RICTOR: variants seen among roughly 807,000 people sequenced by gnomAD.
The protein encoded by RICTOR is RPTOR independent companion of MTOR complex 2, also known as rapamycin-insensitive companion of mTOR.
Under a neutral mutation model 214.9 loss-of-function variants are expected in RICTOR, and 49 were observed. The ratio of observed to expected loss-of-function variants is 0.23; its 90% CI spans 0.18 to 0.29. The LOEUF (loss-of-function observed/expected upper bound fraction) is 0.29, where lower values mean the gene tolerates loss of function less well. Among genes scored for constraint, RICTOR ranks in the 10% least tolerant of loss-of-function variants. RICTOR has a pLI of 1.00. For missense variants in RICTOR, 1,625 were observed against 2,047.0 expected, an observed-to-expected ratio of 0.79 and a Z score of 3.98; for synonymous variants, 717 against 711.3, an observed-to-expected ratio of 1.01 and a Z score of -0.13.
chr5:38,970,194 T>G (rs548111079), intron 11 of RICTOR: 9 of 152,336 alleles, frequency 5.9e-5, no homozygotes, highest in Admixed American at 5.9e-4. Context: ...GATGAAATCA[T>G]CTAACAGTGA....
At chr5:39,058,204 A>G (rs1052438002) in intron 2 of RICTOR, among the ~76,000 whole-genome samples, 1 of 152,130 alleles carries the variant, frequency 6.6e-6, no homozygotes, top group Non-Finnish European at 1.5e-5. Context: ...CAACAAAAAA[A>G]TCTAAATATT....
intron 7 of RICTOR, among the ~76,000 whole-genome samples, chr5:38,982,775 CACATATATATAT>C (rs201752261): frequency 0.016 from 1,830 of 114,560 alleles, 19 homozygotes; most frequent in South Asian, 0.04. Flanking sequence ...CATACATACA[CACATATATATAT>C]ACATATATAT....
At chr5:38,949,450 A>T (rs776650613) in intron 31 of RICTOR, 90 of 1,557,100 alleles carry the variant, frequency 5.8e-5, no homozygotes, top group East Asian at 1.4e-4. Context: ...AGAAATAAAT[A>T]AAAAAAAGCT....
chr5:38,996,780 A>T (rs1398959103), intron 6 of RICTOR, 39 bp downstream of exon 6: 6 of 1,277,890 alleles, frequency 4.7e-6, no homozygotes, highest in South Asian at 4.0e-5. Context: ...TAACATAAAA[A>T]CCATAAATTT....
chr5:39,060,474 C>T lies in RICTOR; in HGVS notation c.97+13637G>A, dbSNP rs75664693. ...ATTGTAAAGTGACAGCTGAAAGAAA[C>T]GTAGAAGCATACAGGAATCAAAAGA... On this transcript the variant is annotated intron_variant, in intron 2 of 37. Transcript: ENST00000357387. 5.7e-3 allele frequency among the ~76,000 whole-genome samples: 867 copies of T among 151,998 alleles called. 8 individuals carry two copies. The highest frequency in any genetic ancestry group is 0.02 in the African/African-American group (828 of 41,496).
chr5:38,958,579 CA>C (rs1749517562), intron 23 of RICTOR, 60 bp from the exon 24 acceptor site: 1 of 1,525,324 alleles, frequency 6.6e-7, no homozygotes, highest in South Asian at 1.2e-5. Context: ...TTTTTAGTTC[CA>C]AAATGCCTAT....
At chr5:39,030,450 T>A (rs1426953215) in intron 2 of RICTOR, among the ~76,000 whole-genome samples, 4 of 152,116 alleles carry the variant, frequency 2.6e-5, no homozygotes, top group African/African-American at 7.2e-5. Context: ...TTATTCACTA[T>A]CCCATCACTT....
At chr5:39,039,284 T>C (rs1203907694) in intron 2 of RICTOR, among the ~76,000 whole-genome samples, 5 of 152,042 alleles carry the variant, frequency 3.3e-5, no homozygotes, top group African/African-American at 1.2e-4. Flanking sequence ...TGAAACTGGA[T>C]CCCTTCCTTA....
At chr5:38,990,888 C>T in intron 7 of RICTOR, 61 bp downstream of exon 7, 2 of 968,982 alleles carry the variant, frequency 2.1e-6, no homozygotes, top group African/African-American at 1.7e-5. Context: ...ATATATATAT[C>T]TCAAATGTTA....
intron 2 of RICTOR, among the ~76,000 whole-genome samples, chr5:39,057,825 A>ACT (rs1364812135): frequency 1.1e-4 from 17 of 152,120 alleles, no homozygotes; most frequent in Non-Finnish European, 1.9e-4. Flanking sequence ...ACTTCCAAAG[A>ACT]GTGTATGTAT....
chr5:39,031,749 G>A (rs886099548), intron 2 of RICTOR, among the ~76,000 whole-genome samples: 3 of 152,202 alleles, frequency 2.0e-5, no homozygotes, highest in South Asian at 2.1e-4. Flanking sequence ...ATACATATGC[G>A]ACTTCAACAG....
rs1269867428 is a variant in RICTOR, at chr5:39,002,425, CAA to C, written c.392+108_392+109del. The C allele has an allele frequency of 2.2e-3, 1,361 of 632,412 alleles. 7 individuals carry two copies. The highest frequency in any genetic ancestry group is 0.014 in the Middle Eastern group (34 of 2,368). The allele number at this position is 632,412 out of a possible 1,614,324, so 39.2% of individuals were successfully genotyped here. ...GTATATATATATATATACACACACACAAAATTCATCAAAGTTACACTACAGTA... is the reference window on the plus strand; with the variant it reads ...GTATATATATATATATACACACACACAATTCATCAAAGTTACACTACAGTA... On this transcript the variant is annotated intron_variant, in intron 5 of 37. Transcript: ENST00000357387.
intron 2 of RICTOR, among the ~76,000 whole-genome samples, chr5:39,060,319 T>C (rs953980250): frequency 9.2e-5 from 14 of 152,040 alleles, no homozygotes; most frequent in Admixed American, 1.3e-4. Context: ...TCTTAATTCT[T>C]CATCACAACC....
intron 11 of RICTOR, chr5:38,970,337 T>C (rs1465970432): frequency 6.6e-6 from 1 of 152,206 alleles, no homozygotes; most frequent in Non-Finnish European, 1.5e-5. Flanking sequence ...AGTCATTAAA[T>C]TTTTCATTAA....
intron 21 of RICTOR, 124 bp from the exon 22 acceptor site, chr5:38,959,445 T>G: frequency 3.1e-6 from 2 of 642,938 alleles, no homozygotes; most frequent in East Asian, 5.6e-5. Context: ...TTATTCAAAG[T>G]GTATAACTTG....
At chr5:39,011,528 C>T (rs978060966) in intron 3 of RICTOR, among the ~76,000 whole-genome samples, 16 of 152,162 alleles carry the variant, frequency 1.1e-4, no homozygotes, top group East Asian at 1.9e-4. Flanking sequence ...TTGCACTGGG[C>T]GCCTGGAAAA....
At chr5:38,944,091 T>A in intron 36 of RICTOR, 1 of 377,046 alleles carries the variant, frequency 2.7e-6, no homozygotes, top group South Asian at 2.1e-5. Context: ...ATGCATTAAT[T>A]TATTTTAAAA....
intron 2 of RICTOR, among the ~76,000 whole-genome samples, chr5:39,036,050 T>C (rs1027624735): frequency 3.0e-4 from 45 of 152,212 alleles, no homozygotes; most frequent in Admixed American, 2.6e-4. Flanking sequence ...GAAAAAATAT[T>C]AAGGGAAGCC....
In RICTOR at chr5:38,947,619, G is replaced by A. The variant is rs1039838198; in HGVS notation, c.4137-178C>T. 2.6e-4 allele frequency among the ~76,000 whole-genome samples: 40 copies of A among 151,984 alleles called. 1 individual carries two copies. The highest frequency in any genetic ancestry group is 2.2e-4 in the Non-Finnish European group (15 of 67,996). ...TTTAAAATATTAGCTGTTATAGACC[G>A]CTATGTAAAAGGTCACCAGTAATGT... On this transcript the variant is annotated intron_variant, in intron 31 of 37. Transcript: ENST00000357387.
Sources: gnomAD v4.1 joint callset for allele counts (sites outside exome capture counted in the v4.1 genomes callset) on GRCh38, gnomAD v4.1.1 for gene constraint, MANE v1.5 for transcripts, NCBI Gene and HGNC (gene_info 2026-07-23, HGNC 2026-07-21) for gene names.